MCTP1: variants seen among roughly 807,000 people sequenced by gnomAD.
The protein encoded by MCTP1 is multiple C2 and transmembrane domain-containing protein 1.
MCTP1 carries 69 observed loss-of-function variants against 120.6 expected under a neutral mutation model. The ratio of observed to expected loss-of-function variants is 0.57; its 90% CI spans 0.47 to 0.70. The LOEUF (loss-of-function observed/expected upper bound fraction) is 0.70, where lower values mean the gene tolerates loss of function less well. Among genes scored for constraint, MCTP1 ranks in the 30% least tolerant of loss-of-function variants. The probability of loss-of-function intolerance (pLI) is 0.00; values close to 1 mark genes in which losing one functional copy is unlikely to be tolerated. For synonymous variants in MCTP1, 529 were observed against 493.1 expected (o/e 1.07, Z -0.96); for missense variants, 1,203 against 1,248.8 (o/e 0.96, Z 0.55).
At chr5:94,735,598 T>G (rs939033539) in intron 19 of MCTP1, among the ~76,000 whole-genome samples, 2 of 152,138 alleles carry the variant, frequency 1.3e-5, no homozygotes, top group African/African-American at 4.8e-5. Context: ...TCAGATTAAG[T>G]GATATTCATT....
intron 2 of MCTP1, among the ~76,000 whole-genome samples, chr5:94,981,759 A>C (rs1463341419): frequency 1.3e-5 from 2 of 152,144 alleles, no homozygotes; most frequent in African/African-American, 2.4e-5. Context: ...CAGGCAGAGA[A>C]AGCAGCAAGT....
At position 94,799,043 on chromosome 5, in the gene MCTP1, T is replaced by A; in HGVS notation, c.2526A>T (p.Ile842=). ...CACGTTGCCTGTTATCTTTCCCTGA[T>A]ATTATCAAGAAGTAGTTCCATGTCA... The part of the protein sequence containing the change: ...LLLTWNYFLI[I]SGKDNRQRDT... Residue 842 remains isoleucine (I), a synonymous_variant, in exon 18 of 23, where the codon ATA becomes ATT. Transcript: ENST00000515393. The A allele has an allele frequency of 6.2e-7, 1 of 1,612,214 alleles. No homozygotes were observed.
chr5:95,164,529 G>C (rs1424106487), intron 1 of MCTP1, among the ~76,000 whole-genome samples: 1 of 151,916 alleles, frequency 6.6e-6, no homozygotes, highest in Non-Finnish European at 1.5e-5. Context: ...ATAATTCTTA[G>C]GTTACAAGAC....
chr5:94,888,430 C>G (rs1281018175), intron 12 of MCTP1, among the ~76,000 whole-genome samples: 2 of 152,150 alleles, frequency 1.3e-5, no homozygotes, highest in East Asian at 3.9e-4. Flanking sequence ...TGAGTTGGAT[C>G]AGCAACCCAA....
At chr5:95,226,928 T>C (rs1213337585) in intron 1 of MCTP1, among the ~76,000 whole-genome samples, 1 of 152,032 alleles carries the variant, frequency 6.6e-6, no homozygotes, top group East Asian at 1.9e-4. Context: ...AAGGGGAGAC[T>C]ACAAAATACA....
chr5:94,832,384 C>T (rs556156816), intron 17 of MCTP1, among the ~76,000 whole-genome samples: 2 of 152,264 alleles, frequency 1.3e-5, no homozygotes, highest in East Asian at 3.9e-4. Flanking sequence ...CGCACCTTCC[C>T]CAAGAAGACC....
chr5:94,776,947 C>T (rs1369253940), intron 19 of MCTP1, among the ~76,000 whole-genome samples: 1 of 152,180 alleles, frequency 6.6e-6, no homozygotes, highest in Non-Finnish European at 1.5e-5. Context: ...AAGATGTCCA[C>T]AAGATTCTTC....
intron 1 of MCTP1, among the ~76,000 whole-genome samples, chr5:95,103,746 C>G (rs992449338): frequency 6.6e-6 from 1 of 152,160 alleles, no homozygotes; most frequent in South Asian, 2.1e-4. Context: ...AATCCAGGTG[C>G]TCTCAAACAG....
chr5:95,037,534 T>C (rs1332903531), intron 1 of MCTP1, among the ~76,000 whole-genome samples: 1 of 152,194 alleles, frequency 6.6e-6, no homozygotes, highest in East Asian at 1.9e-4. Flanking sequence ...TGTAGATGTG[T>C]AGTATATATT....
intron 2 of MCTP1, among the ~76,000 whole-genome samples, chr5:95,000,450 G>A (rs1257676717): frequency 1.3e-5 from 2 of 152,152 alleles, no homozygotes; most frequent in Non-Finnish European, 2.9e-5. Context: ...ACATGTTACT[G>A]CTTCTGAAAA....
At chr5:95,032,835 A>T (rs1840555091) in intron 1 of MCTP1, among the ~76,000 whole-genome samples, 1 of 152,090 alleles carries the variant, frequency 6.6e-6, no homozygotes, top group South Asian at 2.1e-4. Flanking sequence ...TTGATAGACC[A>T]GCAGCTAGAT....
chr5:95,281,650 T>G (rs1235758513), intron 1 of MCTP1, among the ~76,000 whole-genome samples: 1 of 152,258 alleles, frequency 6.6e-6, no homozygotes, highest in African/African-American at 2.4e-5. Context: ...ATATTTTAGC[T>G]TTTCTATTTC....
chr5:95,240,813 T>C (rs576948392), intron 1 of MCTP1, among the ~76,000 whole-genome samples: 1 of 152,240 alleles, frequency 6.6e-6, no homozygotes, highest in South Asian at 2.1e-4. Flanking sequence ...ATCTCTTATC[T>C]TCCTTTTATT....
intron 17 of MCTP1, among the ~76,000 whole-genome samples, chr5:94,845,238 G>C (rs1192708809): frequency 2.0e-5 from 3 of 152,128 alleles, no homozygotes; most frequent in Non-Finnish European, 4.4e-5. Context: ...ACACTGCTAG[G>C]GAGGCCTCAC....
chr5:95,160,505 A>C (rs191269343), intron 1 of MCTP1, among the ~76,000 whole-genome samples: 3 of 152,242 alleles, frequency 2.0e-5, no homozygotes, highest in African/African-American at 7.2e-5. Flanking sequence ...AAGAGACATT[A>C]TTTCTTTTAA....
At chr5:95,271,420 G>C (rs1276487158) in intron 1 of MCTP1, among the ~76,000 whole-genome samples, 1 of 150,734 alleles carries the variant, frequency 6.6e-6, no homozygotes, top group African/African-American at 2.4e-5. Context: ...GTGATTATGA[G>C]AATATATTTT....
At chr5:94,812,539 A>C (rs468301) in intron 17 of MCTP1, among the ~76,000 whole-genome samples, 2 of 151,798 alleles carry the variant, frequency 1.3e-5, no homozygotes. Flanking sequence ...TTTTCCAAAG[A>C]TAAATTCAGG....
rs756723919 is a variant in MCTP1, at chr5:95,017,398, C to G, written c.807G>C (p.Arg269Ser). Residue 269 changes from arginine to serine, a missense_variant, in exon 2 of 23, where the codon AGG (arginine) becomes AGC (serine). By Grantham distance (110) the Arg-to-Ser change is moderately radical. This residue lies in a region of MCTP1 where 740 missense variants were observed against 871.1 expected (regional missense o/e 0.85). Coordinates refer to ENST00000515393, the MANE Select transcript of MCTP1 (RefSeq NM_024717.7). ...GATCTCGAGCAGCTAAACTTTGACCCCTTCTTAATGTAATGTCCAGCTGGT... is the reference window on the plus strand; with the variant it reads ...GATCTCGAGCAGCTAAACTTTGACCGCTTCTTAATGTAATGTCCAGCTGGT... ...GMYQLDITLR[R>S]GQSLAARDRG... 6.2e-7 allele frequency: 1 copy of G among 1,609,256 alleles called. No individual in the cohort carries two copies. The highest frequency in any genetic ancestry group is 8.5e-7 in the Non-Finnish European group (1 of 1,177,046).
intron 2 of MCTP1, among the ~76,000 whole-genome samples, chr5:94,976,147 GA>G (rs1341872501): frequency 6.6e-6 from 1 of 152,110 alleles, no homozygotes; most frequent in African/African-American, 2.4e-5. Context: ...AATATCACAA[GA>G]GTACTGTGCT....
Sources: gnomAD v4.1 joint callset for allele counts (sites outside exome capture counted in the v4.1 genomes callset) on GRCh38, gnomAD v4.1.1 for gene constraint, gnomAD v4.1.1 regional missense constraint, MANE v1.5 for transcripts, NCBI Gene and HGNC (gene_info 2026-07-23, HGNC 2026-07-21) for gene names.